The following TMEM163 variants were observed in gnomAD, a reference collection of about 807,000 sequenced individuals.
TMEM163 encodes transmembrane protein 163.
TMEM163 carries 17 observed loss-of-function variants against 29.3 expected under a neutral mutation model. That is an observed-to-expected ratio of 0.58 (90% CI 0.40 to 0.87). TMEM163 has a LOEUF of 0.87. Among genes scored for constraint, TMEM163 ranks in the 40% least tolerant of loss-of-function variants. TMEM163 has a pLI of 0.00. For missense variants in TMEM163, 303 were observed against 381.5 expected, an observed-to-expected ratio of 0.79 and a Z score of 1.71; for synonymous variants, 157 against 160.6, an observed-to-expected ratio of 0.98 and a Z score of 0.17.
At chr2:134,539,525 T>C (rs1407510828) in intron 4 of TMEM163, among the ~76,000 whole-genome samples, 1 of 152,176 alleles carries the variant, frequency 6.6e-6, no homozygotes, top group African/African-American at 2.4e-5. Flanking sequence ...TGCTTCCCCC[T>C]GTACCCCACT....
At chr2:134,547,043 G>A (rs1172984296) in intron 4 of TMEM163, among the ~76,000 whole-genome samples, 1 of 152,088 alleles carries the variant, frequency 6.6e-6, no homozygotes, top group Non-Finnish European at 1.5e-5. Flanking sequence ...GGGGACAGGG[G>A]AAAATGGGGA....
intron 2 of TMEM163, among the ~76,000 whole-genome samples, chr2:134,660,035 A>G (rs1189714105): frequency 6.6e-6 from 1 of 152,156 alleles, no homozygotes; most frequent in East Asian, 1.9e-4. Flanking sequence ...GACCTGAATG[A>G]GGGAAGGAGC....
At chr2:134,515,305 C>T (rs1036351887) in intron 4 of TMEM163, among the ~76,000 whole-genome samples, 1 of 152,174 alleles carries the variant, frequency 6.6e-6, no homozygotes, top group African/African-American at 2.4e-5. Flanking sequence ...GGGTCTGAAG[C>T]ATCCAGCCAC....
intron 2 of TMEM163, among the ~76,000 whole-genome samples, chr2:134,604,448 A>C (rs1013979157): frequency 6.6e-6 from 1 of 152,096 alleles, no homozygotes; most frequent in African/African-American, 2.4e-5. Context: ...AAAAAAAAAA[A>C]AAACCTCAAA....
At chr2:134,695,879 C>T (rs1466130727) in intron 2 of TMEM163, among the ~76,000 whole-genome samples, 2 of 152,080 alleles carry the variant, frequency 1.3e-5, no homozygotes, top group Non-Finnish European at 2.9e-5. Flanking sequence ...GGCGAAACCC[C>T]GTCTCTACTA....
chr2:134,644,799 C>T (rs1683299118), intron 2 of TMEM163, among the ~76,000 whole-genome samples: 1 of 151,766 alleles, frequency 6.6e-6, no homozygotes, highest in Non-Finnish European at 1.5e-5. Context: ...TATTTTTCTG[C>T]AAAAGATGCT....
chr2:134,603,500 A>C (rs1464310371), intron 2 of TMEM163, among the ~76,000 whole-genome samples: 1 of 152,196 alleles, frequency 6.6e-6, no homozygotes, highest in Non-Finnish European at 1.5e-5. Context: ...CGTTGAGATA[A>C]CAAGACACAC....
intron 2 of TMEM163, among the ~76,000 whole-genome samples, chr2:134,557,929 T>TG (rs763019743): frequency 6.6e-6 from 1 of 152,182 alleles, no homozygotes; most frequent in African/African-American, 2.4e-5. Flanking sequence ...ATTAGGGATT[T>TG]GGGGGTCCTG....
Position 134,493,257 on chromosome 2 carries a change from C to T in TMEM163, c.555+9644G>A, listed in dbSNP as rs1231488203. 1.3e-5 allele frequency among the ~76,000 whole-genome samples: 2 copies of T among 148,734 alleles called. 1 individual carries two copies. Among genetic ancestry groups the T allele is most frequent in the African/African-American group, 5.0e-5 (2 of 40,174 alleles). ...TTTGTCTGATATATATATATGCTGTCTGTGCTATCTTGTCATTTTCTTAGT... is the reference window on the plus strand; with the variant it reads ...TTTGTCTGATATATATATATGCTGTTTGTGCTATCTTGTCATTTTCTTAGT... On this transcript the variant is annotated intron_variant, in intron 5 of 7. Coordinates refer to ENST00000281924, the MANE Select transcript of TMEM163 (RefSeq NM_030923.5).
chr2:134,518,908 T>C (rs540243296), intron 4 of TMEM163, among the ~76,000 whole-genome samples: 3 of 152,268 alleles, frequency 2.0e-5, no homozygotes, highest in African/African-American at 7.2e-5. Context: ...TAGTATATTA[T>C]ACTGTCAAAA....
intron 6 of TMEM163, among the ~76,000 whole-genome samples, chr2:134,463,428 A>G (rs982063637): frequency 3.3e-5 from 5 of 152,108 alleles, no homozygotes; most frequent in African/African-American, 1.2e-4. Flanking sequence ...CAGTGGGTGA[A>G]CTCCCTACCC....
chr2:134,676,228 A>C (rs1684112635), intron 2 of TMEM163, among the ~76,000 whole-genome samples: 1 of 152,158 alleles, frequency 6.6e-6, no homozygotes, highest in Admixed American at 6.5e-5. Context: ...TAGCTTGCAA[A>C]ATACTGAAAA....
rs532610227 is a variant in TMEM163 at position 134,531,362 on chromosome 2, T to G, written c.458+19208A>C. Among the ~76,000 whole-genome samples, 21 of 152,364 alleles carry G rather than the reference T, an allele frequency of 1.4e-4. No homozygotes were observed. The South Asian group carries it at 4.4e-3, about 32-fold the overall frequency. ...TCCCCACACACTAAGCAAGCAATTC[T>G]GCAGCAGACAGCAGCTGGGTGTCCT... On this transcript the variant is annotated intron_variant, in intron 4 of 7. Transcript: ENST00000281924.
chr2:134,713,430 A>T (rs1431695006), intron 1 of TMEM163, 111 bp from the exon 2 acceptor site: 9 of 1,490,690 alleles, frequency 6.0e-6, no homozygotes, highest in Non-Finnish European at 8.3e-6. Flanking sequence ...GTGGGCCAAG[A>T]CGTGTTTTGT....
At chr2:134,663,228 T>C (rs1305904814) in intron 2 of TMEM163, among the ~76,000 whole-genome samples, 1 of 152,256 alleles carries the variant, frequency 6.6e-6, no homozygotes, top group East Asian at 1.9e-4. Context: ...TGATTCCTTA[T>C]GATAAACACT....
At position 134,699,694 on chromosome 2, in the gene TMEM163, A is replaced by G. The variant is rs528128311; in HGVS notation, c.322+13506T>C. ...GAATTTTTTTTCTTTTTATCTATCA[A>G]CTAGTAAAAGAGGTGCATTAAAGTC... On this transcript the variant is annotated intron_variant, in intron 2 of 7. Coordinates refer to ENST00000281924, the MANE Select transcript of TMEM163 (RefSeq NM_030923.5). Among the ~76,000 whole-genome samples, 3 of 152,284 alleles carry G rather than the reference A, an allele frequency of 2.0e-5. No homozygotes were observed. The South Asian group carries it at 6.2e-4, about 32-fold the overall frequency.
intron 2 of TMEM163, among the ~76,000 whole-genome samples, chr2:134,620,626 T>G (rs951522948): frequency 2.0e-5 from 3 of 152,186 alleles, no homozygotes; most frequent in African/African-American, 7.2e-5. Flanking sequence ...GACAGAAATA[T>G]GTATAAATGA....
chr2:134,528,498 G>A (rs1208473169), intron 4 of TMEM163, among the ~76,000 whole-genome samples: 1 of 152,150 alleles, frequency 6.6e-6, no homozygotes, highest in Admixed American at 6.5e-5. Context: ...ACATTGTTAT[G>A]AATGAGATAG....
chr2:134,562,944 T>G (rs537741265), intron 2 of TMEM163, among the ~76,000 whole-genome samples: 1 of 152,358 alleles, frequency 6.6e-6, no homozygotes, highest in Admixed American at 6.5e-5. Flanking sequence ...TGCTGACAGC[T>G]GATAATATGT....
Sources: gnomAD v4.1 joint callset for allele counts (sites outside exome capture counted in the v4.1 genomes callset) on GRCh38, gnomAD v4.1.1 for gene constraint, MANE v1.5 for transcripts, NCBI Gene and HGNC (gene_info 2026-07-23, HGNC 2026-07-21) for gene names.